Variants in VRK2 observed in about 807,000 individuals in gnomAD.
VRK2 encodes VRK serine/threonine kinase 2, also known as serine/threonine-protein kinase VRK2.
Under a neutral mutation model 57.6 loss-of-function variants are expected in VRK2, and 60 were observed. That is an observed-to-expected ratio of 1.04 (90% confidence interval 0.85 to 1.29). The LOEUF (loss-of-function observed/expected upper bound fraction) is 1.29. Ranked by LOEUF, VRK2 falls within the 50% of genes most tolerant of loss-of-function variation. VRK2 has a pLI of 0.00. For synonymous variants in VRK2, 231 were observed against 199.2 expected (o/e 1.16, Z -1.35); for missense variants, 705 against 588.1 (o/e 1.20, Z -2.06).
rs191468695 is a variant in VRK2 at position 58,134,385 on chromosome 2, G to A, written c.798-756G>A. On this transcript the variant is annotated intron_variant, in intron 9 of 12. Coordinates refer to ENST00000340157, the MANE Select transcript of VRK2 (RefSeq NM_006296.7). ...CCAGCACTTTGGGAGGCCGAGGCGG[G>A]TGGATCATGAGGTCAGGAGATCGAG... Among the ~76,000 whole-genome samples the A allele has an allele frequency of 3.3e-5, 5 of 152,044 alleles. No homozygotes were observed. The South Asian group carries it at 8.3e-4, about 25-fold the overall frequency.
chr2:58,092,468 A>G (rs912181065), intron 7 of VRK2, among the ~76,000 whole-genome samples: 1 of 152,198 alleles, frequency 6.6e-6, no homozygotes, highest in Non-Finnish European at 1.5e-5. Context: ...TAAAGTTGCT[A>G]TAAGCTAAGC....
intron 11 of VRK2, among the ~76,000 whole-genome samples, chr2:58,142,743 A>C (rs1681524524): frequency 6.6e-6 from 1 of 151,932 alleles, no homozygotes; most frequent in African/African-American, 2.4e-5. Context: ...CAAGATGGAA[A>C]ACAGCGTTAC....
chr2:57,943,112 T>A (rs1671151606), intron 1 of VRK2, among the ~76,000 whole-genome samples: 1 of 152,226 alleles, frequency 6.6e-6, no homozygotes, highest in South Asian at 2.1e-4. Flanking sequence ...TCCATTTTTA[T>A]AATCCTACTG....
chr2:58,017,519 A>G (rs772960380), intron 1 of VRK2, among the ~76,000 whole-genome samples: 31 of 152,176 alleles, frequency 2.0e-4, no homozygotes, highest in Non-Finnish European at 1.2e-4. Flanking sequence ...GGGCCTCTTC[A>G]TGGCCTTCTT....
chr2:57,919,462 C>CT (rs904175115), intron 1 of VRK2, among the ~76,000 whole-genome samples: 1 of 151,996 alleles, frequency 6.6e-6, no homozygotes, highest in Non-Finnish European at 1.5e-5. Flanking sequence ...TTGTCAGTCA[C>CT]TTTTTCAAAT....
intron 1 of VRK2, among the ~76,000 whole-genome samples, chr2:57,974,965 C>T (rs1672204707): frequency 6.6e-6 from 1 of 151,258 alleles, no homozygotes; most frequent in South Asian, 2.1e-4. Context: ...ATCAGGTAGG[C>T]TATACAAATT....
chr2:58,010,072 A>T (rs1673374486), intron 1 of VRK2, among the ~76,000 whole-genome samples: 2 of 152,154 alleles, frequency 1.3e-5, no homozygotes, highest in Non-Finnish European at 2.9e-5. Context: ...AGCCTAGGGC[A>T]GGATTTATTT....
intron 1 of VRK2, among the ~76,000 whole-genome samples, chr2:57,944,512 G>A (rs1317498619): frequency 1.3e-5 from 2 of 152,182 alleles, no homozygotes; most frequent in African/African-American, 4.8e-5. Context: ...CGAGGCAGGC[G>A]GATCACGACG....
At chr2:57,987,233 A>C (rs1331507249) in intron 1 of VRK2, among the ~76,000 whole-genome samples, 2 of 152,124 alleles carry the variant, frequency 1.3e-5, no homozygotes, top group Non-Finnish European at 2.9e-5. Flanking sequence ...ACCACAAACC[A>C]AGAAAAAAAT....
intron 1 of VRK2, among the ~76,000 whole-genome samples, chr2:57,957,686 T>A (rs1209162515): frequency 6.7e-6 from 1 of 150,262 alleles, no homozygotes; most frequent in African/African-American, 2.4e-5. Flanking sequence ...ACAAATGGAA[T>A]GAACTGTTTG....
intron 1 of VRK2, among the ~76,000 whole-genome samples, chr2:58,048,333 A>G (rs555424399): frequency 2.6e-5 from 4 of 152,304 alleles, no homozygotes; most frequent in Admixed American, 1.3e-4. Context: ...ATGTTTACTG[A>G]GTACCTAGTA....
chr2:58,059,840 A>C (rs1455070210), intron 2 of VRK2, among the ~76,000 whole-genome samples: 2 of 151,798 alleles, frequency 1.3e-5, no homozygotes, highest in Non-Finnish European at 2.9e-5. Flanking sequence ...TGGTGTATAT[A>C]TATTTAGCAA....
intron 1 of VRK2, among the ~76,000 whole-genome samples, chr2:58,008,560 G>A (rs1012403160): frequency 1.3e-5 from 2 of 151,840 alleles, no homozygotes; most frequent in African/African-American, 4.8e-5. Flanking sequence ...AGGAAGGTAG[G>A]AAGGAAGGAA....
chr2:58,083,627 A>C (rs1411424437), intron 2 of VRK2, among the ~76,000 whole-genome samples: 1 of 151,818 alleles, frequency 6.6e-6, no homozygotes, highest in Non-Finnish European at 1.5e-5. Flanking sequence ...TGAACTTTCT[A>C]CTTAAATTGA....
At chr2:58,137,109 C>A (rs1175778328) in intron 10 of VRK2, among the ~76,000 whole-genome samples, 2 of 79,786 alleles carry the variant, frequency 2.5e-5, no homozygotes, top group African/African-American at 9.0e-5. Flanking sequence ...ATATATATAA[C>A]ATATATCATA....
chr2:58,105,543 T>A (rs1305962986), intron 7 of VRK2, among the ~76,000 whole-genome samples: 1 of 151,542 alleles, frequency 6.6e-6, no homozygotes, highest in African/African-American at 2.4e-5. Context: ...AGACAAAAAA[T>A]AACATGTTTT....
intron 9 of VRK2, among the ~76,000 whole-genome samples, chr2:58,133,145 T>C (rs1679462256): frequency 6.6e-6 from 1 of 152,152 alleles, no homozygotes; most frequent in African/African-American, 2.4e-5. Flanking sequence ...AAGACTAATA[T>C]GACTTGCTTT....
intron 1 of VRK2, among the ~76,000 whole-genome samples, chr2:58,005,246 A>G (rs1673206667): frequency 6.6e-6 from 1 of 152,198 alleles, no homozygotes; most frequent in Non-Finnish European, 1.5e-5. Flanking sequence ...CTAAGAAGAT[A>G]AAGATATTAA....
intron 3 of VRK2, among the ~76,000 whole-genome samples, chr2:58,035,373 G>A (rs1017926048): frequency 1.3e-5 from 2 of 151,892 alleles, no homozygotes; most frequent in Middle Eastern, 3.4e-3. Flanking sequence ...TCTCTGTTTC[G>A]CCTTTTATCT....
Sources: allele counts gnomAD v4.1 joint callset (sites outside exome capture counted in the v4.1 genomes callset), GRCh38; gene constraint gnomAD v4.1.1; transcripts MANE v1.5; gene names NCBI Gene and HGNC (gene_info 2026-07-23, HGNC 2026-07-21).